Variants in TBC1D14 observed in about 807,000 individuals in gnomAD.
TBC1D14 encodes the protein TBC1 domain family member 14, also known as TBC1 domain family, member 14.
In TBC1D14, 26 loss-of-function variants were observed where a neutral mutation model predicts 79.0. That is an observed-to-expected ratio of 0.33 (90% confidence interval 0.24 to 0.46). The LOEUF is 0.46. Among genes scored for constraint, TBC1D14 ranks in the 20% least tolerant of loss-of-function variants. The pLI is 1.00. For synonymous variants in TBC1D14, 394 were observed against 349.9 expected, an observed-to-expected ratio of 1.13 and a Z score of -1.40; for missense variants, 769 against 887.6, an observed-to-expected ratio of 0.87 and a Z score of 1.70.
intron 13 of TBC1D14, among the ~76,000 whole-genome samples, chr4:7,028,019 C>G (rs147008048): frequency 6.9e-6 from 1 of 145,754 alleles, no homozygotes; most frequent in Non-Finnish European, 1.5e-5. Flanking sequence ...CACACACACC[C>G]ACACATACAT....
chr4:6,920,078 C>G (rs904696605), intron 1 of TBC1D14, among the ~76,000 whole-genome samples: 1 of 152,082 alleles, frequency 6.6e-6, no homozygotes, highest in South Asian at 2.1e-4. Context: ...CCATGCCTGG[C>G]TAATTTTTAC....
At chr4:6,988,815 A>G (rs1300166763) in intron 3 of TBC1D14, among the ~76,000 whole-genome samples, 1 of 150,972 alleles carries the variant, frequency 6.6e-6, no homozygotes, top group East Asian at 1.9e-4. Context: ...CCTCCAGTTC[A>G]TAAGTAGCAT....
At chr4:6,944,597 A>C (rs576027106) in intron 2 of TBC1D14, among the ~76,000 whole-genome samples, 1 of 152,292 alleles carries the variant, frequency 6.6e-6, no homozygotes, top group South Asian at 2.1e-4. Context: ...TCTGTTTTAC[A>C]AACGAGCATG....
intron 11 of TBC1D14, 104 bp from the exon 12 acceptor site, chr4:7,014,344 A>G (rs1212231593): frequency 1.4e-6 from 1 of 692,156 alleles, no homozygotes; most frequent in Non-Finnish European, 2.5e-6. Flanking sequence ...GTAATTACAG[A>G]AGAAGGTAAT....
At chr4:6,924,326 A>G (rs910213841) in intron 2 of TBC1D14, among the ~76,000 whole-genome samples, 1 of 152,046 alleles carries the variant, frequency 6.6e-6, no homozygotes, top group African/African-American at 2.4e-5. Context: ...GCTCATTTGC[A>G]GTCTGTTGTC....
chr4:6,967,472 C>CAT (rs1577096808), intron 3 of TBC1D14, 48 bp downstream of exon 3: 4 of 1,596,774 alleles, frequency 2.5e-6, no homozygotes, highest in Non-Finnish European at 2.6e-6. Context: ...ATGTGTTTAG[C>CAT]ATATATTCAT....
intron 2 of TBC1D14, among the ~76,000 whole-genome samples, chr4:6,937,163 C>T (rs1054280029): frequency 2.6e-5 from 4 of 152,176 alleles, no homozygotes; most frequent in East Asian, 1.9e-4. Flanking sequence ...GTGATCTGCC[C>T]GCCACAACCT....
chr4:6,912,914 C>T (rs1465635120), intron 1 of TBC1D14, among the ~76,000 whole-genome samples: 2 of 152,220 alleles, frequency 1.3e-5, no homozygotes, highest in Admixed American at 6.5e-5. Flanking sequence ...GGGACTTGAA[C>T]CCAGGCAGCC....
chr4:6,964,533 G>A (rs1715530195), intron 2 of TBC1D14, among the ~76,000 whole-genome samples: 1 of 152,132 alleles, frequency 6.6e-6, no homozygotes, highest in Non-Finnish European at 1.5e-5. Context: ...GTTTTAACCT[G>A]GTTTAATTGC....
intron 2 of TBC1D14, among the ~76,000 whole-genome samples, chr4:6,925,254 G>A (rs913631627): frequency 6.6e-6 from 1 of 152,208 alleles, no homozygotes; most frequent in African/African-American, 2.4e-5. Flanking sequence ...GCGACAGAAT[G>A]AGACTCCATC....
intron 2 of TBC1D14, among the ~76,000 whole-genome samples, chr4:6,938,084 G>C (rs1232640300): frequency 6.6e-6 from 1 of 152,194 alleles, no homozygotes; most frequent in Non-Finnish European, 1.5e-5. Flanking sequence ...CCCGGGCGTT[G>C]TGGTGGTGGG....
intron 2 of TBC1D14, among the ~76,000 whole-genome samples, chr4:6,966,532 C>T (rs1715712426): frequency 6.6e-6 from 1 of 152,194 alleles, no homozygotes; most frequent in South Asian, 2.1e-4. Context: ...CGTACTAAAG[C>T]AGCTGTTACT....
Position 7,027,542 on chromosome 4 carries a change from C to A in TBC1D14, c.2016+2280C>A, listed in dbSNP as rs564132055. ...TCACCCCACACACACATCACATACA[C>A]AATCACCACACACCACAATCACCCG... On this transcript the variant is annotated intron_variant, in intron 13 of 13. Transcript: ENST00000409757. Among the ~76,000 whole-genome samples the A allele has an allele frequency of 3.4e-5, 5 of 146,482 alleles. 1 individual carries two copies. The South Asian group carries it at 1.1e-3, about 33-fold the overall frequency.
intron 12 of TBC1D14, among the ~76,000 whole-genome samples, chr4:7,023,693 G>T (rs933250486): frequency 3.3e-5 from 5 of 152,192 alleles, no homozygotes; most frequent in African/African-American, 9.7e-5. Context: ...TCTGGCTCGG[G>T]ACTTACTGGT....
intron 1 of TBC1D14, among the ~76,000 whole-genome samples, chr4:6,921,847 C>A (rs201576861): frequency 6.6e-6 from 1 of 152,044 alleles, no homozygotes. Flanking sequence ...CAGGCGCACA[C>A]CACCACGCCT....
chr4:7,029,529 C>T (rs1050030383), intron 13 of TBC1D14, among the ~76,000 whole-genome samples: 2 of 152,306 alleles, frequency 1.3e-5, no homozygotes, highest in South Asian at 2.1e-4. Context: ...GCCACAATGG[C>T]GTGGAATATC....
intron 1 of TBC1D14, among the ~76,000 whole-genome samples, chr4:6,919,720 A>C (rs1723684985): frequency 6.6e-6 from 1 of 152,020 alleles, no homozygotes; most frequent in South Asian, 2.1e-4. Context: ...TCCTGGGTTC[A>C]AGCGATTCTC....
intron 3 of TBC1D14, among the ~76,000 whole-genome samples, chr4:6,972,800 C>T (rs1256835625): frequency 6.6e-6 from 1 of 152,176 alleles, no homozygotes; most frequent in African/African-American, 2.4e-5. Context: ...AGCGGTCAGG[C>T]TGCCGCCCTG....
At chr4:6,965,637 G>A (rs1038092047) in intron 2 of TBC1D14, among the ~76,000 whole-genome samples, 3 of 152,154 alleles carry the variant, frequency 2.0e-5, no homozygotes, top group African/African-American at 4.8e-5. Context: ...GAACTCCTGG[G>A]TTCCAATGAT....
Sources: allele counts gnomAD v4.1 joint callset (sites outside exome capture counted in the v4.1 genomes callset), GRCh38; gene constraint gnomAD v4.1.1; transcripts MANE v1.5; gene names NCBI Gene and HGNC (gene_info 2026-07-23, HGNC 2026-07-21).